Variants in GRM8 observed in about 807,000 individuals in gnomAD.
GRM8 encodes the protein metabotropic glutamate receptor 8.
GRM8 carries 47 observed loss-of-function variants against 87.2 expected under a neutral mutation model. The observed-to-expected ratio is 0.54, with a 90% CI of 0.43 to 0.69. The LOEUF is 0.69. Ranked by LOEUF, GRM8 falls within the 30% of genes least tolerant of loss-of-function variation. The pLI, the probability that GRM8 is intolerant of heterozygous loss-of-function variation, is 0.00. For missense variants in GRM8, 1,019 were observed against 1,139.2 expected, an observed-to-expected ratio of 0.89 and a Z score of 1.52; for synonymous variants, 396 against 404.5, an observed-to-expected ratio of 0.98 and a Z score of 0.25.
intron 7 of GRM8, among the ~76,000 whole-genome samples, chr7:126,621,310 C>G (rs1451823189): frequency 6.6e-6 from 1 of 152,238 alleles, no homozygotes; most frequent in Admixed American, 6.5e-5. Flanking sequence ...TCTCCTCCAA[C>G]CACATTTCTG....
chr7:127,177,436 G>A (rs917707419), intron 2 of GRM8, among the ~76,000 whole-genome samples: 5 of 152,324 alleles, frequency 3.3e-5, no homozygotes, highest in African/African-American at 9.6e-5. Context: ...AAGACAAAGG[G>A]CATATAATCT....
intron 3 of GRM8, among the ~76,000 whole-genome samples, chr7:127,069,099 T>C (rs1324342875): frequency 6.6e-6 from 1 of 152,166 alleles, no homozygotes. Context: ...GAAGACAAAG[T>C]TTCTCTCCCC....
chr7:126,846,049 A>G (rs1796685923), intron 6 of GRM8, among the ~76,000 whole-genome samples: 1 of 152,020 alleles, frequency 6.6e-6, no homozygotes, highest in Non-Finnish European at 1.5e-5. Context: ...ATATAATAGT[A>G]TAAAATATAT....
chr7:126,901,587 A>T (rs1407138177), intron 6 of GRM8, among the ~76,000 whole-genome samples: 1 of 152,102 alleles, frequency 6.6e-6, no homozygotes, highest in Admixed American at 6.5e-5. Flanking sequence ...TGTCTGTGCT[A>T]GCTTTTAGTA....
At chr7:126,661,762 G>A (rs928843504) in intron 7 of GRM8, among the ~76,000 whole-genome samples, 1 of 152,180 alleles carries the variant, frequency 6.6e-6, no homozygotes, top group Non-Finnish European at 1.5e-5. Flanking sequence ...AGCATCAGAA[G>A]TGTGACTGCC....
chr7:126,767,603 T>C (rs1382866606), intron 7 of GRM8, among the ~76,000 whole-genome samples: 2 of 152,146 alleles, frequency 1.3e-5, no homozygotes, highest in Non-Finnish European at 1.5e-5. Context: ...TTATTCTGCT[T>C]ACCATATTTG....
rs567536931 is a variant in GRM8 at position 126,725,697 on chromosome 7, T to C, written c.1357+44168A>G. The stretch of plus-strand genomic sequence containing the variant: ...TAATTTAAAAAGAAAAGGGGTTTCA[T>C]TGGCTCACAGTTATGCAGGTTGTAT... On this transcript the variant is annotated intron_variant, in intron 7 of 10. Transcript: ENST00000339582. Among the ~76,000 whole-genome samples the C allele has an allele frequency of 3.3e-5, 5 of 152,322 alleles. No homozygotes were observed. In the East Asian group the frequency reaches 9.7e-4, roughly 29 times the overall value.
At chr7:126,508,371 A>G (rs1464409558) in intron 9 of GRM8, among the ~76,000 whole-genome samples, 2 of 152,116 alleles carry the variant, frequency 1.3e-5, no homozygotes, top group Middle Eastern at 3.4e-3. Flanking sequence ...ATCACATGGT[A>G]GAAAGTAGAA....
At position 126,903,775 on chromosome 7, in the gene GRM8, G is replaced by A. The variant is rs867189047; in HGVS notation, c.1018+197C>T. ...TATGTGTATATATATATGTGTGTGT[G>A]TATATATATATATATATATATATAT... On this transcript the variant is annotated intron_variant, in intron 5 of 10. Transcript: ENST00000339582. 3.6e-3 allele frequency among the ~76,000 whole-genome samples: 311 copies of A among 87,444 alleles called. 15 individuals carry two copies. The highest frequency in any genetic ancestry group is 4.9e-3 in the Non-Finnish European group (208 of 42,476). 57.4% of individuals were successfully genotyped at this position (87,444 alleles called of 152,430 possible). A position where few individuals can be genotyped will look rare whatever the true frequency, so the allele number is the denominator to read the frequency against.
chr7:126,675,966 G>A (rs544138762), intron 7 of GRM8, among the ~76,000 whole-genome samples: 84 of 152,238 alleles, frequency 5.5e-4, no homozygotes, highest in African/African-American at 1.9e-3. Context: ...GTTTGCTGAT[G>A]ATATAATTTT....
intron 3 of GRM8, among the ~76,000 whole-genome samples, chr7:127,053,937 G>A (rs1005653276): frequency 6.6e-6 from 1 of 152,104 alleles, no homozygotes; most frequent in African/African-American, 2.4e-5. Flanking sequence ...CTATGCTAGT[G>A]ACATTAAATG....
chr7:126,819,992 T>C (rs1794155587), intron 6 of GRM8, among the ~76,000 whole-genome samples: 1 of 152,152 alleles, frequency 6.6e-6, no homozygotes, highest in Admixed American at 6.5e-5. Context: ...AACTACTGGA[T>C]GCTTGAAATT....
chr7:126,642,196 T>G (rs1332757608), intron 7 of GRM8, among the ~76,000 whole-genome samples: 2 of 152,250 alleles, frequency 1.3e-5, no homozygotes, highest in Non-Finnish European at 2.9e-5. Flanking sequence ...GTATATATTT[T>G]ACAGTGGTTG....
At chr7:126,473,506 T>G (rs1349895106) in intron 9 of GRM8, among the ~76,000 whole-genome samples, 1 of 152,188 alleles carries the variant, frequency 6.6e-6, no homozygotes, top group African/African-American at 2.4e-5. Context: ...TAACTTGCTT[T>G]TGATTATGTA....
intron 3 of GRM8, among the ~76,000 whole-genome samples, chr7:127,033,004 G>A (rs1406229084): frequency 3.0e-5 from 3 of 100,860 alleles, no homozygotes; most frequent in African/African-American, 4.6e-5. Flanking sequence ...GAGGCCTTTC[G>A]TTTCCTTTTT....
chr7:126,979,567 C>T (rs901904359), intron 3 of GRM8, among the ~76,000 whole-genome samples: 15 of 152,132 alleles, frequency 9.9e-5, no homozygotes, highest in African/African-American at 3.4e-4. Context: ...TCATGTGGTA[C>T]AAAGAAAGGT....
chr7:127,060,996 G>A (rs922062526), intron 3 of GRM8, among the ~76,000 whole-genome samples: 1 of 152,104 alleles, frequency 6.6e-6, no homozygotes, highest in Non-Finnish European at 1.5e-5. Context: ...AAGTGGGGCT[G>A]AACATGTTCA....
chr7:127,042,220 C>T (rs922628272), intron 3 of GRM8, among the ~76,000 whole-genome samples: 40 of 152,146 alleles, frequency 2.6e-4, no homozygotes, highest in Admixed American at 2.6e-3. Flanking sequence ...TTCAAAGGGC[C>T]TCCAGAGCAG....
intron 3 of GRM8, among the ~76,000 whole-genome samples, chr7:126,971,441 C>T (rs1810421738): frequency 6.6e-6 from 1 of 152,154 alleles, no homozygotes; most frequent in Non-Finnish European, 1.5e-5. Context: ...GTCAGTGTTT[C>T]ACTCATTCAA....
Sources: allele counts gnomAD v4.1 joint callset (sites outside exome capture counted in the v4.1 genomes callset), GRCh38; gene constraint gnomAD v4.1.1; transcripts MANE v1.5; gene names NCBI Gene and HGNC (gene_info 2026-07-23, HGNC 2026-07-21).